Variants in FGB observed in about 807,000 individuals in gnomAD.
The protein encoded by FGB is fibrinogen beta chain.
Under a neutral mutation model 57.9 loss-of-function variants are expected in FGB, and 25 were observed. That is an observed-to-expected ratio of 0.43 (90% CI 0.31 to 0.60). The LOEUF (loss-of-function observed/expected upper bound fraction) is 0.60. FGB is among the 20% of genes least tolerant of loss of function. The probability of loss-of-function intolerance (pLI) is 0.08; values close to 1 mark genes in which losing one functional copy is unlikely to be tolerated. For synonymous variants in FGB, 203 were observed against 199.2 expected (o/e 1.02, Z -0.16); for missense variants, 536 against 598.4 (o/e 0.90, Z 1.09).
chr4:154,566,698 G>A (rs749728241), intron 3 of FGB, 26 bp downstream of exon 3: 18 of 1,608,346 alleles, frequency 1.1e-5, no homozygotes, highest in South Asian at 2.2e-5. Context: ...CTTTCCATTC[G>A]ATTTTCAGCT....
chr4:154,568,492 G>C lies in FGB; in HGVS notation c.830G>C (p.Gly277Ala). ...TACTGTGACATGAATACAGAAAATG[G>C]AGGTAAGCTTTCGACAGTTGTTGAC... ...RVYCDMNTEN[G>A]GWTVIQNRQD... is the part of the protein sequence containing the mutation. The change falls in exon 5 of 8, where the codon GGA becomes GCA. Residue 277 changes from glycine (G) to alanine (A), a missense_variant and splice_region_variant. Around this residue, in one of 3 missense-constraint regions of FGB, gnomAD observed 354 missense variants for 383.4 expected, o/e 0.92. Coordinates refer to ENST00000302068, the MANE Select transcript of FGB (RefSeq NM_005141.5). The C allele has an allele frequency of 6.7e-7, 1 of 1,501,126 alleles. No homozygotes were observed. Among genetic ancestry groups the C allele is most frequent in the Non-Finnish European group, 9.3e-7 (1 of 1,077,144 alleles). The allele number at this position is 1,501,126 out of a possible 1,614,324, so 93.0% of individuals were successfully genotyped here. A position where few individuals can be genotyped will look rare whatever the true frequency, so the allele number is the denominator to read the frequency against.
chr4:154,566,530 G>A lies in FGB; in HGVS notation c.348G>A (p.Leu116=). The A allele has an allele frequency of 6.2e-7, 1 of 1,614,118 alleles. No individual in the cohort carries two copies. ...CAGGATGTCAGTTGCAAGAGGCTTT[G>A]CTACAACAGGAAAGGCCAATCAGAA... The part of the protein sequence containing the change: ...CPTGCQLQEA[L]LQQERPIRNS... Residue 116 remains leucine (L), a synonymous_variant, in exon 3 of 8, where the codon TTG becomes TTA. Coordinates refer to ENST00000302068, the MANE Select transcript of FGB (RefSeq NM_005141.5).
rs369442578 is a variant in FGB at position 154,566,485 on chromosome 4, T to A, written c.307-4T>A. The A allele has an allele frequency of 6.8e-6, 11 of 1,613,908 alleles. No individual in the cohort carries two copies. The highest frequency in any genetic ancestry group is 8.5e-6 in the Non-Finnish European group (10 of 1,179,956). On this transcript the variant is annotated splice_polypyrimidine_tract_variant and splice_region_variant and intron_variant, in intron 2 of 7. Transcript: ENST00000302068. Reference sequence around the variant, plus strand: ...CTAATGCCTGCTATTTTCTTTGTTTTTAGGGGGTGTTGTGTCCTACAGGAT... The same window carrying A: ...CTAATGCCTGCTATTTTCTTTGTTTATAGGGGGTGTTGTGTCCTACAGGAT...
At chr4:154,564,960 T>G (rs978783965) in intron 1 of FGB, among the ~76,000 whole-genome samples, 1 of 152,126 alleles carries the variant, frequency 6.6e-6, no homozygotes, top group Non-Finnish European at 1.5e-5. Flanking sequence ...TTCAAGATAA[T>G]GGTTTAACAA....
At chr4:154,567,917 T>G (rs1467228020) in intron 4 of FGB, 97 bp downstream of exon 4, 2 of 918,914 alleles carry the variant, frequency 2.2e-6, no homozygotes, top group African/African-American at 3.3e-5. Context: ...TAAGTGGATT[T>G]TCCCAACAGA....
At position 154,570,500 on chromosome 4, in the gene FGB, A is replaced by G; in HGVS notation, c.1326A>G (p.Pro442=). 4 of 1,614,228 alleles carry G rather than the reference A, an allele frequency of 2.5e-6. No individual in the cohort carries two copies. Among genetic ancestry groups the G allele is most frequent in the Non-Finnish European group, 3.4e-6 (4 of 1,180,038 alleles). Residue 442 remains proline, a synonymous_variant, in exon 8 of 8, where the codon CCA becomes CCG. Coordinates refer to ENST00000302068, the MANE Select transcript of FGB (RefSeq NM_005141.5). Reference sequence around the variant, plus strand: ...ATAATAGATGTCATGCAGCCAATCCAAACGGCAGATACTACTGGGGTGGAC... The same window carrying G: ...ATAATAGATGTCATGCAGCCAATCCGAACGGCAGATACTACTGGGGTGGAC... ...WWYNRCHAAN[P]NGRYYWGGQY... is the part of the protein sequence containing the mutation.
intron 1 of FGB, 73 bp downstream of exon 1, chr4:154,563,205 G>T: frequency 1.5e-6 from 1 of 687,158 alleles, no homozygotes. Flanking sequence ...CATATTATGT[G>T]CTTATTTTAA....
intron 3 of FGB, among the ~76,000 whole-genome samples, chr4:154,567,338 C>T (rs536307685): frequency 6.6e-6 from 1 of 152,204 alleles, no homozygotes; most frequent in Admixed American, 6.5e-5. Flanking sequence ...AATAAACAAC[C>T]TATTTCATTT....
At position 154,571,591 on chromosome 4, in the gene FGB, T is replaced by C. The variant is rs1730429435; in HGVS notation, c.*941T>C. ...TGCATCAAGTCTTCACCAAGTGTTT[T>C]TTAAGCGAAATAATGAAATAGGGAG... On this transcript the variant is annotated 3_prime_UTR_variant, in exon 8 of 8. Coordinates refer to ENST00000302068, the MANE Select transcript of FGB (RefSeq NM_005141.5). Among the ~76,000 whole-genome samples, 1 of 152,200 alleles carries C rather than the reference T, an allele frequency of 6.6e-6. No homozygotes were observed. Among genetic ancestry groups the C allele is most frequent in the Admixed American group, 6.5e-5 (1 of 15,272 alleles).
At chr4:154,570,072 A>G (rs933652961) in intron 7 of FGB, among the ~76,000 whole-genome samples, 3 of 152,246 alleles carry the variant, frequency 2.0e-5, no homozygotes, top group Admixed American at 2.0e-4. Context: ...TACTTTCTGA[A>G]TAATGAGCAT....
chr4:154,569,102 A>G, intron 5 of FGB, 80 bp from the exon 6 acceptor site: 1 of 1,433,522 alleles, frequency 7.0e-7, no homozygotes, highest in Non-Finnish European at 9.8e-7. Flanking sequence ...TGGAATGGAC[A>G]GGGGATTCAG....
rs1445671274 is a variant in FGB at position 154,570,623 on chromosome 4, G to A, written c.1449G>A (p.Lys483=). ...SWYSMRKMSM[K]IRPFFPQQ ...ACTCAATGAGGAAGATGAGTATGAA[G>A]ATCAGGCCCTTCTTCCCACAGCAAT... Residue 483 remains lysine, a synonymous_variant, in exon 8 of 8, where the codon AAG becomes AAA. Coordinates refer to ENST00000302068, the MANE Select transcript of FGB (RefSeq NM_005141.5). 1.2e-6 allele frequency: 2 copies of A among 1,613,998 alleles called. No homozygotes were observed. Among genetic ancestry groups the A allele is most frequent in the South Asian group, 2.2e-5 (2 of 91,074 alleles).
intron 6 of FGB, 98 bp from the exon 7 acceptor site, chr4:154,569,416 C>A: frequency 6.3e-7 from 1 of 1,586,108 alleles, no homozygotes; most frequent in Admixed American, 1.7e-5. Context: ...GAGGAGTTTC[C>A]TGACAAAAAT....
rs373671940 is a variant in FGB, at chr4:154,569,312, C to T, written c.958+5C>T. The T allele has an allele frequency of 1.2e-5, 20 of 1,613,678 alleles. No homozygotes were observed. The highest frequency in any genetic ancestry group is 8.8e-5 in the South Asian group (8 of 91,058). Reference sequence around the variant, plus strand: ...AGAATTACTGTGGCCTACCAGGTAACGAACAGGCATGCAAAATAAAATCAT... The same window carrying T: ...AGAATTACTGTGGCCTACCAGGTAATGAACAGGCATGCAAAATAAAATCAT... On this transcript the variant is annotated splice_donor_5th_base_variant and intron_variant, in intron 6 of 7. Transcript: ENST00000302068.
chr4:154,564,488 C>T (rs1463175063), intron 1 of FGB, among the ~76,000 whole-genome samples: 2 of 152,030 alleles, frequency 1.3e-5, no homozygotes, highest in African/African-American at 2.4e-5. Context: ...TATATATCCT[C>T]CGAATCTTTA....
chr4:154,564,727 G>A (rs1385426721), intron 1 of FGB, among the ~76,000 whole-genome samples: 1 of 151,494 alleles, frequency 6.6e-6, no homozygotes, highest in Admixed American at 6.6e-5. Flanking sequence ...TTGTTAATTT[G>A]TAATTAAGCT....
At chr4:154,568,150 C>T (rs1015465193) in intron 4 of FGB, among the ~76,000 whole-genome samples, 3 of 152,122 alleles carry the variant, frequency 2.0e-5, no homozygotes, top group Non-Finnish European at 4.4e-5. Flanking sequence ...TATTCCAGGA[C>T]ACAAAAGGTG....
rs191481721 is a variant in FGB at position 154,572,071 on chromosome 4, C to A, written c.*1421C>A. Among the ~76,000 whole-genome samples the A allele has an allele frequency of 6.6e-6, 1 of 152,158 alleles. No homozygotes were observed. The highest frequency in any genetic ancestry group is 2.4e-5 in the African/African-American group (1 of 41,430). Reference sequence around the variant, plus strand: ...TCTTATCAACTTACTTCCTGCTTAACATTAGCTCCTTCCTATCTATATCCA... The same window carrying A: ...TCTTATCAACTTACTTCCTGCTTAAAATTAGCTCCTTCCTATCTATATCCA... On this transcript the variant is annotated 3_prime_UTR_variant, in exon 8 of 8. Transcript: ENST00000302068.
intron 4 of FGB, among the ~76,000 whole-genome samples, chr4:154,568,043 G>C (rs1453202564): frequency 6.6e-6 from 1 of 152,170 alleles, no homozygotes; most frequent in African/African-American, 2.4e-5. Flanking sequence ...TCCCAGGGGT[G>C]GCTGATGTGT....
Sources: allele counts gnomAD v4.1 joint callset (sites outside exome capture counted in the v4.1 genomes callset), GRCh38; gene constraint gnomAD v4.1.1; regional missense constraint gnomAD v4.1.1; transcripts MANE v1.5; gene names NCBI Gene and HGNC (gene_info 2026-07-23, HGNC 2026-07-21).